Variants in RORA observed in about 807,000 individuals in gnomAD.
RORA encodes the protein RAR related orphan receptor A.
Under a neutral mutation model 69.5 loss-of-function variants are expected in RORA, and 7 were observed. The ratio of observed to expected loss-of-function variants is 0.10; its 90% confidence interval spans 0.06 to 0.19. The LOEUF (loss-of-function observed/expected upper bound fraction) is 0.19, where lower values mean the gene tolerates loss of function less well. Among genes scored for constraint, RORA ranks in the 10% least tolerant of loss-of-function variants. RORA has a pLI of 1.00. For missense variants in RORA, 457 were observed against 663.0 expected (o/e 0.69, Z 3.41); for synonymous variants, 261 against 240.8 (o/e 1.08, Z -0.78).
chr15:61,203,284 AATCT>A (rs2079911351), intron 1 of RORA, among the ~76,000 whole-genome samples: 2 of 152,214 alleles, frequency 1.3e-5, no homozygotes, highest in South Asian at 4.1e-4. Context: ...AGGCAAAACT[AATCT>A]ATGATGATGG....
chr15:60,644,715 G>A (rs1380945302), intron 2 of RORA, among the ~76,000 whole-genome samples: 1 of 152,168 alleles, frequency 6.6e-6, no homozygotes, highest in Non-Finnish European at 1.5e-5. Context: ...TTCCCAAAGA[G>A]ACAAACCGTG....
chr15:61,216,049 G>T (rs2080037866), intron 1 of RORA, among the ~76,000 whole-genome samples: 1 of 152,144 alleles, frequency 6.6e-6, no homozygotes, highest in South Asian at 2.1e-4. Flanking sequence ...ACATTTCACA[G>T]CCATCTCAGA....
At chr15:60,833,198 C>T (rs1018950246) in intron 1 of RORA, among the ~76,000 whole-genome samples, 1 of 150,964 alleles carries the variant, frequency 6.6e-6, no homozygotes, top group South Asian at 2.1e-4. Context: ...CCACCATGCC[C>T]AGCCGAGTCT....
At chr15:60,814,618 A>G (rs943342428) in intron 1 of RORA, among the ~76,000 whole-genome samples, 13 of 152,162 alleles carry the variant, frequency 8.5e-5, no homozygotes, top group African/African-American at 3.1e-4. Context: ...GCACCAGTGG[A>G]TGCTGAGGAA....
intron 1 of RORA, among the ~76,000 whole-genome samples, chr15:61,092,831 T>C (rs1420119453): frequency 6.6e-6 from 1 of 152,186 alleles, no homozygotes; most frequent in Non-Finnish European, 1.5e-5. Context: ...TCAACAGATA[T>C]CATCTGAGGC....
intron 1 of RORA, among the ~76,000 whole-genome samples, chr15:61,013,190 G>A (rs1895146239): frequency 6.6e-6 from 1 of 152,170 alleles, no homozygotes; most frequent in Non-Finnish European, 1.5e-5. Context: ...TCTGAATAAT[G>A]GAAACGATAA....
intron 1 of RORA, among the ~76,000 whole-genome samples, chr15:61,080,503 T>C (rs1257252606): frequency 3.3e-5 from 5 of 152,150 alleles, no homozygotes; most frequent in African/African-American, 7.2e-5. Flanking sequence ...TGCAAATAGA[T>C]ACCATTTCCA....
chr15:60,740,121 A>G (rs78943569), intron 1 of RORA, among the ~76,000 whole-genome samples: 3,946 of 151,930 alleles, frequency 0.026, 185 homozygotes, highest in African/African-American at 0.091. Context: ...CCTTTTTTTT[A>G]GCTTCAGTTT....
rs1289076315 is a variant in RORA, at chr15:60,531,858, C to T, written c.197-7G>A. On this transcript the variant is annotated splice_polypyrimidine_tract_variant and splice_region_variant and intron_variant, in intron 2 of 10. Transcript: ENST00000335670. This position sits in a 1 kb window ranked among gnomAD's most constrained non-coding sequence, Gnocchi z 4.8. ...GGAATAATTTCAATTTGAGCTGCAA[C>T]AGAAGCACGCAACCAGTTAATTACA... The T allele has an allele frequency of 1.9e-6, 3 of 1,556,078 alleles. No individual in the cohort carries two copies.
At chr15:60,980,599 G>A (rs1894016673) in intron 1 of RORA, among the ~76,000 whole-genome samples, 1 of 152,012 alleles carries the variant, frequency 6.6e-6, no homozygotes, top group South Asian at 2.1e-4. Context: ...TTGAGTGTCA[G>A]TTTTGGTAGT....
chr15:60,971,574 T>C (rs996202631), intron 1 of RORA, among the ~76,000 whole-genome samples: 10 of 152,200 alleles, frequency 6.6e-5, no homozygotes, highest in African/African-American at 2.4e-4. Context: ...CCTCACTCCA[T>C]TGCAATCCTT....
chr15:60,537,596 T>C lies in RORA; in HGVS notation c.197-5745A>G, dbSNP rs1022805383. On this transcript the variant is annotated intron_variant, in intron 2 of 10. Transcript: ENST00000335670. The surrounding 1 kb of genome is among the most constrained non-coding windows in gnomAD (Gnocchi z 4.9). ...GGAACAGACCATCGACCTGGACCTG[T>C]GGCTTGGAATAGAGTATGGGTATGT... Among the ~76,000 whole-genome samples, 4 of 152,196 alleles carry C rather than the reference T, an allele frequency of 2.6e-5. No homozygotes were observed. The highest frequency in any genetic ancestry group is 9.7e-5 in the African/African-American group (4 of 41,440).
At chr15:60,835,077 C>T (rs1186474606) in intron 1 of RORA, among the ~76,000 whole-genome samples, 3 of 152,116 alleles carry the variant, frequency 2.0e-5, no homozygotes, top group African/African-American at 7.2e-5. Flanking sequence ...GCTCAAGTGT[C>T]TACAAGACCG....
At chr15:60,663,154 C>T (rs1046039148) in intron 2 of RORA, among the ~76,000 whole-genome samples, 4 of 152,246 alleles carry the variant, frequency 2.6e-5, no homozygotes, top group Non-Finnish European at 5.9e-5. Flanking sequence ...CCCTCACTCT[C>T]TATAGGCATT....
At chr15:61,223,852 G>A (rs908180926) in intron 1 of RORA, among the ~76,000 whole-genome samples, 2 of 152,122 alleles carry the variant, frequency 1.3e-5, no homozygotes, top group Non-Finnish European at 1.5e-5. Context: ...ATGGTTTACT[G>A]TGTATTAATC....
chr15:60,641,933 C>T (rs575525430), intron 2 of RORA, among the ~76,000 whole-genome samples: 31 of 152,128 alleles, frequency 2.0e-4, no homozygotes, highest in Non-Finnish European at 3.8e-4. Flanking sequence ...CCTTCTAACC[C>T]ATTTAAAAAT....
At chr15:60,913,684 G>A (rs1366711445) in intron 1 of RORA, among the ~76,000 whole-genome samples, 3 of 152,126 alleles carry the variant, frequency 2.0e-5, no homozygotes, top group Non-Finnish European at 4.4e-5. Flanking sequence ...CAGCAGACAC[G>A]GTTAAAGAAT....
intron 1 of RORA, among the ~76,000 whole-genome samples, chr15:60,973,820 C>T (rs555892941): frequency 6.6e-6 from 1 of 152,186 alleles, no homozygotes; most frequent in Non-Finnish European, 1.5e-5. Context: ...AACCGTGGGT[C>T]GGAGACATGA....
At chr15:60,934,723 G>A (rs1282899953) in intron 1 of RORA, among the ~76,000 whole-genome samples, 1 of 152,160 alleles carries the variant, frequency 6.6e-6, no homozygotes, top group Admixed American at 6.5e-5. Flanking sequence ...GAGAACCACT[G>A]TATTGGCTAC....
Sources: allele counts gnomAD v4.1 joint callset (sites outside exome capture counted in the v4.1 genomes callset), GRCh38; gene constraint gnomAD v4.1.1; non-coding constraint Gnocchi (gnomAD v3.1); transcripts MANE v1.5; gene names NCBI Gene and HGNC (gene_info 2026-07-23, HGNC 2026-07-21).